The following COL21A1 variants were observed in gnomAD, a reference collection of about 807,000 sequenced individuals.
COL21A1 encodes collagen type XXI alpha 1 chain.
A neutral mutation model predicts 137.9 loss-of-function variants in COL21A1; 149 were observed. The ratio of observed to expected loss-of-function variants is 1.08; its 90% CI spans 0.95 to 1.24. COL21A1 has a LOEUF of 1.24. Ranked by LOEUF, COL21A1 falls within the 50% of genes most tolerant of loss-of-function variation. The probability of loss-of-function intolerance (pLI) is 0.00; values close to 1 mark genes in which losing one functional copy is unlikely to be tolerated. For synonymous variants in COL21A1, 456 were observed against 391.5 expected (o/e 1.16, Z -1.95); for missense variants, 1,167 against 1,158.4 (o/e 1.01, Z -0.11).
intron 1 of COL21A1, among the ~76,000 whole-genome samples, chr6:56,367,859 C>A (rs1270087877): frequency 2.0e-5 from 3 of 152,182 alleles, no homozygotes; most frequent in Admixed American, 1.3e-4. Context: ...GGACTACAGG[C>A]ATACGCCTCT....
rs556755318 is a variant in COL21A1, at chr6:56,267,640, C to A, written c.-38-84984G>T. On this transcript the variant is annotated intron_variant, in intron 1 of 28. Transcript: ENST00000370819. ...GCATGGTGGCAGGCGCCTGTAATCCCAGCTACTCGGGAGGCTGAGGCAGGG... is the reference window on the plus strand; with the variant it reads ...GCATGGTGGCAGGCGCCTGTAATCCAAGCTACTCGGGAGGCTGAGGCAGGG... Among the ~76,000 whole-genome samples the A allele has an allele frequency of 2.1e-4, 32 of 152,070 alleles. 1 individual carries two copies. The highest frequency in any genetic ancestry group is 8.3e-4 in the South Asian group (4 of 4,812).
At chr6:56,382,569 T>C (rs1176177898) in intron 1 of COL21A1, among the ~76,000 whole-genome samples, 1 of 152,112 alleles carries the variant, frequency 6.6e-6, no homozygotes, top group East Asian at 1.9e-4. Flanking sequence ...TGTGGCTAAA[T>C]GAAGTCATAA....
intron 1 of COL21A1, among the ~76,000 whole-genome samples, chr6:56,303,892 T>C (rs938514780): frequency 9.9e-5 from 15 of 152,152 alleles, no homozygotes; most frequent in Non-Finnish European, 2.2e-4. Flanking sequence ...TCTTATGATT[T>C]TGAGATATGT....
chr6:56,311,924 A>C (rs1764625031), intron 1 of COL21A1, among the ~76,000 whole-genome samples: 1 of 152,214 alleles, frequency 6.6e-6, no homozygotes, highest in African/African-American at 2.4e-5. Context: ...GCCTCAACTG[A>C]GTCTTGAAAA....
chr6:56,248,683 C>T (rs1395585934), upstream of COL21A1, among the ~76,000 whole-genome samples: 2 of 152,198 alleles, frequency 1.3e-5, no homozygotes, highest in Non-Finnish European at 2.9e-5. Flanking sequence ...CCTGTGGGAA[C>T]AGGTTCACAA....
At chr6:56,156,384 CTTAAAA>C (rs769613149) in intron 10 of COL21A1, among the ~76,000 whole-genome samples, 1 of 152,210 alleles carries the variant, frequency 6.6e-6, no homozygotes, top group Non-Finnish European at 1.5e-5. Context: ...CTTTAGAGGA[CTTAAAA>C]TTGTAAATTC....
At chr6:56,077,492 A>T (rs1472732726) in intron 18 of COL21A1, 37 bp downstream of exon 18, 1 of 1,434,472 alleles carries the variant, frequency 7.0e-7, no homozygotes, top group Non-Finnish European at 9.6e-7. Flanking sequence ...TTAAATGAGC[A>T]GATCCAGGCC....
rs1451740508 is a variant in COL21A1 at position 56,114,828 on chromosome 6, T to C, written c.1758+9234A>G. Among the ~76,000 whole-genome samples the C allele has an allele frequency of 3.4e-5, 5 of 146,882 alleles. No homozygotes were observed. The Admixed American group carries it at 3.4e-4, about 10-fold the overall frequency. On this transcript the variant is annotated intron_variant, in intron 16 of 29. Coordinates refer to ENST00000244728, the MANE Select transcript of COL21A1 (RefSeq NM_030820.4). ...CCCAGCCATCCCATTACTGGGTATA[T>C]ACCCAAAGGACTATAAATCATGCTG...
chr6:56,329,339 T>C (rs1765169441), intron 1 of COL21A1, among the ~76,000 whole-genome samples: 1 of 151,996 alleles, frequency 6.6e-6, no homozygotes, highest in African/African-American at 2.4e-5. Flanking sequence ...TTCTTTGAGC[T>C]TTGCCCCAGT....
chr6:56,329,308 C>A (rs1490301529), intron 1 of COL21A1, among the ~76,000 whole-genome samples: 2 of 152,006 alleles, frequency 1.3e-5, no homozygotes, highest in Admixed American at 1.3e-4. Flanking sequence ...GAGGGCTATC[C>A]TTTTATCACT....
At chr6:56,069,209 G>T in intron 21 of COL21A1, 92 bp from the exon 22 acceptor site, 1 of 704,498 alleles carries the variant, frequency 1.4e-6, no homozygotes, top group Non-Finnish European at 2.2e-6. Context: ...ATTTTAAAAT[G>T]AATGGTTAAA....
chr6:56,357,476 G>C (rs1765861263), intron 1 of COL21A1, among the ~76,000 whole-genome samples: 1 of 152,202 alleles, frequency 6.6e-6, no homozygotes, highest in Non-Finnish European at 1.5e-5. Context: ...ACTACACAAT[G>C]TGTGAAAGTA....
intron 24 of COL21A1, among the ~76,000 whole-genome samples, chr6:56,063,696 C>T (rs115915178): frequency 0.013 from 1,963 of 152,176 alleles, 18 homozygotes; most frequent in Non-Finnish European, 0.018. Context: ...TTACACTCTT[C>T]CCAATGGTCT....
chr6:56,239,376 A>C (rs1395383063), intron 1 of COL21A1, among the ~76,000 whole-genome samples: 1 of 152,176 alleles, frequency 6.6e-6, no homozygotes, highest in African/African-American at 2.4e-5. Flanking sequence ...TCATTTTTGC[A>C]TCATAAAAAT....
chr6:56,119,476 A>C (rs1171691922), intron 16 of COL21A1, among the ~76,000 whole-genome samples: 1 of 152,206 alleles, frequency 6.6e-6, no homozygotes, highest in African/African-American at 2.4e-5. Context: ...TTAAATGTCC[A>C]TAATACCAAA....
chr6:56,276,443 AG>A (rs1763656205), intron 1 of COL21A1: 2 of 614,940 alleles, frequency 3.3e-6, no homozygotes, highest in African/African-American at 1.9e-5. Context: ...AGTCAACAAA[AG>A]TCTTTCTTTC....
At chr6:56,264,975 C>T (rs1192945665) in intron 1 of COL21A1, among the ~76,000 whole-genome samples, 2 of 152,114 alleles carry the variant, frequency 1.3e-5, no homozygotes, top group East Asian at 1.9e-4. Flanking sequence ...CTCTCCCAAA[C>T]AATTGTGAAA....
chr6:56,093,312 T>A (rs1769029098), intron 17 of COL21A1, among the ~76,000 whole-genome samples: 1 of 152,054 alleles, frequency 6.6e-6, no homozygotes, highest in Non-Finnish European at 1.5e-5. Context: ...CTCAACAATT[T>A]ACAGTGAATT....
chr6:56,282,489 T>C (rs1361051474), intron 1 of COL21A1, among the ~76,000 whole-genome samples: 1 of 152,222 alleles, frequency 6.6e-6, no homozygotes, highest in Middle Eastern at 3.2e-3. Context: ...TGAAATATGT[T>C]CAGTCAGATG....
Sources: allele counts gnomAD v4.1 joint callset (sites outside exome capture counted in the v4.1 genomes callset), GRCh38; gene constraint gnomAD v4.1.1; transcripts MANE v1.5; gene names NCBI Gene and HGNC (gene_info 2026-07-23, HGNC 2026-07-21).